LHFPL7: variants seen among roughly 807,000 people sequenced by gnomAD.
LHFPL7 encodes the protein LHFPL tetraspan subfamily member 7, also known as LHFPL tetraspan subfamily member 7 protein.
the LHFPL7 span, chr22:24,939,654 G>A: frequency 1.5e-6 from 1 of 661,416 alleles, no homozygotes; most frequent in Non-Finnish European, 2.8e-6. Flanking sequence ...GTTATGATCA[G>A]ACCCCAGATC....
chr22:24,941,106 G>T, the LHFPL7 span, among the ~76,000 whole-genome samples: 2 of 150,816 alleles, frequency 1.3e-5, no homozygotes, highest in African/African-American at 2.4e-5. Flanking sequence ...TTTGTGTGGA[G>T]TTAGGTTTGC....
At chr22:24,942,089 G>C in the LHFPL7 span, among the ~76,000 whole-genome samples, 3 of 151,820 alleles carry the variant, frequency 2.0e-5, no homozygotes, top group African/African-American at 7.3e-5. Flanking sequence ...TCTGCTTCCC[G>C]GGTTCATGCC....
chr22:24,935,169 T>G, the LHFPL7 span: 1 of 865,656 alleles, frequency 1.2e-6, no homozygotes, highest in African/African-American at 1.7e-5. Flanking sequence ...GAGGTAGGTA[T>G]GATTTCAACT....
the LHFPL7 span, chr22:24,939,623 C>T: frequency 2.9e-6 from 2 of 689,860 alleles, no homozygotes; most frequent in Admixed American, 4.0e-5. Context: ...GGCCGAGGTG[C>T]TCCCTAGCCA....
the LHFPL7 span, among the ~76,000 whole-genome samples, chr22:24,945,786 G>A: frequency 1.3e-5 from 2 of 152,328 alleles, no homozygotes; most frequent in African/African-American, 4.8e-5. Context: ...AGGCTGAGAT[G>A]CACAGATGGG....
the LHFPL7 span, among the ~76,000 whole-genome samples, chr22:24,945,535 G>C: frequency 1.9e-3 from 288 of 152,330 alleles, 1 homozygote; most frequent in African/African-American, 6.5e-3. Flanking sequence ...GATGCCTCTA[G>C]GGCTTTTGAC....
chr22:24,936,147 C>T, the LHFPL7 span, among the ~76,000 whole-genome samples: 1 of 152,242 alleles, frequency 6.6e-6, no homozygotes, highest in Admixed American at 6.5e-5. Flanking sequence ...TTCTGTCCAT[C>T]TGCTCATCCA....
the LHFPL7 span, among the ~76,000 whole-genome samples, chr22:24,943,368 C>T: frequency 6.6e-6 from 1 of 152,278 alleles, no homozygotes; most frequent in South Asian, 2.1e-4. Context: ...AACCCGAAAC[C>T]ACATCCGGCC....
At chr22:24,937,673 A>G in the LHFPL7 span, among the ~76,000 whole-genome samples, 1 of 152,232 alleles carries the variant, frequency 6.6e-6, no homozygotes, top group Non-Finnish European at 1.5e-5. Flanking sequence ...GAGGATTGCA[A>G]TGAAGACCTG....
At chr22:24,938,121 T>C in the LHFPL7 span, 12 of 1,608,752 alleles carry the variant, frequency 7.5e-6, no homozygotes, top group Non-Finnish European at 1.0e-5. Context: ...TCTAGAGCAC[T>C]GACTATGTGC....
At chr22:24,938,374 A>G in the LHFPL7 span, 6 of 1,605,834 alleles carry the variant, frequency 3.7e-6, no homozygotes, top group Non-Finnish European at 4.2e-6. Flanking sequence ...CCTGCAAGGA[A>G]GAGACAGAAG....
At chr22:24,938,165 C>T in the LHFPL7 span, 1 of 1,614,140 alleles carries the variant, frequency 6.2e-7, no homozygotes, top group Non-Finnish European at 8.5e-7. Context: ...CTGCCTGCAC[C>T]CCTGGCATTG....
the LHFPL7 span, among the ~76,000 whole-genome samples, chr22:24,945,852 C>T: frequency 1.3e-5 from 2 of 152,192 alleles, no homozygotes; most frequent in Non-Finnish European, 2.9e-5. Context: ...GGCTATGCAG[C>T]CAGGTAAGTC....
At chr22:24,938,308 G>A in the LHFPL7 span, 2 of 1,613,974 alleles carry the variant, frequency 1.2e-6, no homozygotes, top group South Asian at 1.1e-5. Flanking sequence ...GAGACAGGAG[G>A]AAAATTGCAT....
chr22:24,943,117 C>G, the LHFPL7 span, among the ~76,000 whole-genome samples: 1 of 151,826 alleles, frequency 6.6e-6, no homozygotes, highest in African/African-American at 2.4e-5. Flanking sequence ...TGGTGTTTTC[C>G]CTACACCAAA....
the LHFPL7 span, among the ~76,000 whole-genome samples, chr22:24,940,560 C>T: frequency 4.0e-5 from 6 of 151,184 alleles, no homozygotes; most frequent in Non-Finnish European, 7.4e-5. Flanking sequence ...CGCACCACTG[C>T]ACTCCAGCCT....
chr22:24,938,066 C>T, the LHFPL7 span: 1 of 1,219,938 alleles, frequency 8.2e-7, no homozygotes, highest in East Asian at 3.7e-5. Context: ...GCTCTGCTCA[C>T]AGACTCATTC....
chr22:24,939,424 T>C, the LHFPL7 span: 1 of 702,580 alleles, frequency 1.4e-6, no homozygotes, highest in Non-Finnish European at 2.6e-6. Context: ...GAGCAGTAGG[T>C]GAGGATGCCA....
the LHFPL7 span, chr22:24,939,307 C>T: frequency 5.7e-6 from 4 of 702,632 alleles, no homozygotes; most frequent in Admixed American, 2.0e-5. Context: ...CCCCTGAAGA[C>T]CCAGTGACTT....
Sources: gnomAD v4.1 joint callset for allele counts (sites outside exome capture counted in the v4.1 genomes callset) on GRCh38, gnomAD v4.1.1 for gene constraint, MANE v1.5 for transcripts, NCBI Gene and HGNC (gene_info 2026-07-23, HGNC 2026-07-21) for gene names.